Variants in GLDN observed in about 807,000 individuals in gnomAD.
GLDN encodes gliomedin.
GLDN carries 47 observed loss-of-function variants against 56.5 expected under a neutral mutation model. The observed-to-expected ratio is 0.83, with a 90% CI of 0.66 to 1.06. The LOEUF is 1.06. Among genes scored for constraint, GLDN ranks in the 50% least tolerant of loss-of-function variants. The pLI is 0.00. For missense variants in GLDN, 782 were observed against 714.3 expected (o/e 1.09, Z -1.08); for synonymous variants, 332 against 278.8 (o/e 1.19, Z -1.90).
chr15:51,344,448 G>A (rs1297582551), intron 1 of GLDN, among the ~76,000 whole-genome samples: 1 of 151,848 alleles, frequency 6.6e-6, no homozygotes, highest in African/African-American at 2.4e-5. Context: ...TTTACTCTCT[G>A]CTTTTCTCAG....
intron 2 of GLDN, among the ~76,000 whole-genome samples, chr15:51,379,454 G>A (rs28385283): frequency 0.097 from 14,831 of 152,228 alleles, 1,440 homozygotes; most frequent in African/African-American, 0.24. Flanking sequence ...CCCTAATCCA[G>A]TTATGATACG....
At chr15:51,368,465 A>T (rs935097684) in intron 1 of GLDN, among the ~76,000 whole-genome samples, 1 of 151,924 alleles carries the variant, frequency 6.6e-6, no homozygotes, top group African/African-American at 2.4e-5. Flanking sequence ...CTGATGTGGG[A>T]TGGCAGAAGA....
intron 1 of GLDN, among the ~76,000 whole-genome samples, chr15:51,353,388 C>T (rs1462194842): frequency 1.3e-5 from 2 of 152,160 alleles, no homozygotes; most frequent in South Asian, 2.1e-4. Context: ...CTTGATAAAT[C>T]GACTCTATCT....
Position 51,404,790 on chromosome 15 carries a change from G to T in GLDN, c.*36G>T, listed in dbSNP as rs1171745453. On this transcript the variant is annotated 3_prime_UTR_variant, in exon 10 of 10. Transcript: ENST00000335449. ...TCGGCTCCCTTCAGCAAATTTCAGG[G>T]GTTTTCTGGGACCAGTTCTCCCCCA... is the stretch of plus-strand genomic sequence containing the variant. The T allele has an allele frequency of 1.9e-6, 2 of 1,078,404 alleles. No homozygotes were observed. The highest frequency in any genetic ancestry group is 3.1e-5 in the African/African-American group (2 of 63,856). The allele number at this position is 1,078,404 out of a possible 1,614,324, so 66.8% of individuals were successfully genotyped here.
At chr15:51,354,596 A>T (rs2446405) in intron 1 of GLDN, among the ~76,000 whole-genome samples, 45,838 of 152,060 alleles carry the variant, frequency 0.3, 8,902 homozygotes, top group African/African-American at 0.53. Flanking sequence ...AGGCAATAAT[A>T]TGAGCCAAGG....
chr15:51,366,977 T>A lies in GLDN; in HGVS notation c.364-10472T>A, dbSNP rs142637934. 3.3e-5 allele frequency among the ~76,000 whole-genome samples: 5 copies of A among 152,348 alleles called. No individual in the cohort carries two copies. In the East Asian group the frequency reaches 7.7e-4, roughly 23 times the overall value. ...ATGTGTTTCGATAACAGTACAAACATGCAAAGAGTGTTTTTATAAGGACTT... is the reference window on the plus strand; with the variant it reads ...ATGTGTTTCGATAACAGTACAAACAAGCAAAGAGTGTTTTTATAAGGACTT... On this transcript the variant is annotated intron_variant, in intron 1 of 9. Coordinates refer to ENST00000335449, the MANE Select transcript of GLDN (RefSeq NM_181789.4).
intron 9 of GLDN, among the ~76,000 whole-genome samples, chr15:51,403,365 G>C (rs533187279): frequency 5.3e-5 from 8 of 152,168 alleles, no homozygotes; most frequent in Non-Finnish European, 1.2e-4. Context: ...CTATTCTCTA[G>C]TTTCTTCACG....
At chr15:51,374,045 C>T (rs928787692) in intron 1 of GLDN, among the ~76,000 whole-genome samples, 5 of 152,126 alleles carry the variant, frequency 3.3e-5, no homozygotes, top group East Asian at 3.8e-4. Context: ...AGCCCAATTT[C>T]GTTAAAAGAC....
chr15:51,408,801 G>A (rs576106240), downstream of GLDN, among the ~76,000 whole-genome samples: 97 of 152,102 alleles, frequency 6.4e-4, no homozygotes, highest in Admixed American at 3.6e-3. Context: ...CTGTCCTTGC[G>A]ATAGTTTGCT....
chr15:51,387,149 A>G (rs937285743), intron 4 of GLDN, among the ~76,000 whole-genome samples: 1 of 152,084 alleles, frequency 6.6e-6, no homozygotes, highest in Non-Finnish European at 1.5e-5. Flanking sequence ...GACAAAGTAG[A>G]AGGGGATGAG....
In GLDN at chr15:51,343,937, C is replaced by G. The variant is rs1024306782; in HGVS notation, c.363+1890C>G. ...CCACCTCCTATGCCATTGGTGAGTT[C>G]GGTGCAGATGGTCCAGGCACCACAC... On this transcript the variant is annotated intron_variant, in intron 1 of 9. Transcript: ENST00000335449. Among the ~76,000 whole-genome samples the G allele has an allele frequency of 2.1e-4, 32 of 152,310 alleles. No individual in the cohort carries two copies. The East Asian group carries it at 5.2e-3, about 25-fold the overall frequency.
At chr15:51,391,792 T>C (rs1002773136) in intron 4 of GLDN, among the ~76,000 whole-genome samples, 1 of 152,202 alleles carries the variant, frequency 6.6e-6, no homozygotes, top group African/African-American at 2.4e-5. Flanking sequence ...GTGCTGACAG[T>C]GGAGGGGCCC....
intron 4 of GLDN, among the ~76,000 whole-genome samples, chr15:51,388,533 T>C (rs2037948772): frequency 6.6e-6 from 1 of 152,162 alleles, no homozygotes; most frequent in South Asian, 2.1e-4. Context: ...AAGCAGAATG[T>C]GAGGCCTGTG....
intron 1 of GLDN, among the ~76,000 whole-genome samples, chr15:51,357,284 C>T (rs1488141023): frequency 6.6e-6 from 1 of 152,344 alleles, no homozygotes; most frequent in East Asian, 1.9e-4. Flanking sequence ...CTGTGGTCCA[C>T]GGCTTCATTC....
intron 9 of GLDN, among the ~76,000 whole-genome samples, chr15:51,402,801 C>A (rs2038283912): frequency 6.6e-6 from 1 of 152,188 alleles, no homozygotes; most frequent in Non-Finnish European, 1.5e-5. Context: ...TCAGCCGCGG[C>A]AGGAAGCATC....
At chr15:51,382,756 A>T (rs796351720) in intron 2 of GLDN, among the ~76,000 whole-genome samples, 11 of 148,244 alleles carry the variant, frequency 7.4e-5, no homozygotes, top group African/African-American at 2.6e-4. Context: ...GAAAAGAAAC[A>T]AAAGGAACTC....
intron 2 of GLDN, among the ~76,000 whole-genome samples, chr15:51,382,476 G>A (rs1193971947): frequency 2.0e-5 from 3 of 151,932 alleles, no homozygotes; most frequent in African/African-American, 4.8e-5. Flanking sequence ...CATTATATGT[G>A]GTCTAAAGAG....
In GLDN at chr15:51,341,670, C is replaced by T. The variant is rs775161198; in HGVS notation, c.-15C>T. ...GCAGGCTGCCAAGCCCTGCCCTGCC[C>T]AAGGCGCATAGAGCATGGCCCGAGG... On this transcript the variant is annotated 5_prime_UTR_variant, in exon 1 of 10. Coordinates refer to ENST00000335449, the MANE Select transcript of GLDN (RefSeq NM_181789.4). 7.2e-7 allele frequency: 1 copy of T among 1,389,556 alleles called. No homozygotes were observed. The highest frequency in any genetic ancestry group is 9.2e-7 in the Non-Finnish European group (1 of 1,083,676). The allele number at this position is 1,389,556 out of a possible 1,614,324, so 86.1% of individuals were successfully genotyped here.
intron 1 of GLDN, among the ~76,000 whole-genome samples, chr15:51,347,691 C>G (rs74016719): frequency 6.6e-6 from 1 of 152,362 alleles, no homozygotes; most frequent in African/African-American, 2.4e-5. Flanking sequence ...TACAAATACT[C>G]TTTGACCCAG....
Sources: allele counts gnomAD v4.1 joint callset (sites outside exome capture counted in the v4.1 genomes callset), GRCh38; gene constraint gnomAD v4.1.1; transcripts MANE v1.5; gene names NCBI Gene and HGNC (gene_info 2026-07-23, HGNC 2026-07-21).